Variants in KDM5A observed in about 807,000 individuals in gnomAD.
KDM5A encodes the protein lysine-specific demethylase 5A.
A neutral mutation model predicts 193.5 loss-of-function variants in KDM5A; 42 were observed. The observed-to-expected ratio is 0.22, with a 90% CI of 0.17 to 0.28. KDM5A has a LOEUF of 0.28. KDM5A is among the 10% of genes least tolerant of loss of function. The pLI, the probability that KDM5A is intolerant of heterozygous loss-of-function variation, is 1.00. For synonymous variants in KDM5A, 796 were observed against 718.1 expected, an observed-to-expected ratio of 1.11 and a Z score of -1.73; for missense variants, 1,692 against 2,055.1, an observed-to-expected ratio of 0.82 and a Z score of 3.42.
chr12:280,128 G>C lies in KDM5A; in HGVS notation c.*5328C>G. 1 of 230,290 alleles carries C rather than the reference G, an allele frequency of 4.3e-6. No homozygotes were observed. The highest frequency in any genetic ancestry group is 8.6e-6 in the Non-Finnish European group (1 of 116,236). 14.3% of individuals were successfully genotyped at this position (230,290 alleles called of 1,614,324 possible). ...TTACAGAACATACAAGTGAGAAGGG[G>C]TGAAGAGAGTGAAATTCCAAAATCA... On this transcript the variant is annotated 3_prime_UTR_variant, in exon 28 of 28. Coordinates refer to ENST00000399788, the MANE Select transcript of KDM5A (RefSeq NM_001042603.3).
chr12:375,317 T>TAA (rs879515446), intron 3 of KDM5A, among the ~76,000 whole-genome samples: 1 of 152,208 alleles, frequency 6.6e-6, no homozygotes, highest in Non-Finnish European at 1.5e-5. Context: ...TTCATTTCAT[T>TAA]AATTTGATCT....
rs1591891636 is a variant in KDM5A, at chr12:283,236, C to T, written c.*2220G>A. On this transcript the variant is annotated 3_prime_UTR_variant, in exon 28 of 28. Transcript: ENST00000399788. ...ATCTGAAGACTGTTACAAAGAAGAT[C>T]AACAGGCAAAAAATATTGTGCTTTC... 1 of 231,510 alleles carries T rather than the reference C, an allele frequency of 4.3e-6. No homozygotes were observed. The highest frequency in any genetic ancestry group is 8.6e-6 in the Non-Finnish European group (1 of 116,740). 14.3% of individuals were successfully genotyped at this position (231,510 alleles called of 1,614,324 possible).
chr12:305,136 A>G (rs1452460340), intron 24 of KDM5A, among the ~76,000 whole-genome samples: 1 of 152,230 alleles, frequency 6.6e-6, no homozygotes, highest in Non-Finnish European at 1.5e-5. Context: ...ATGATATTCA[A>G]GAACTGTACG....
At chr12:356,631 G>A (rs1385583347) in intron 5 of KDM5A, 94 bp from the exon 6 acceptor site, 7 of 775,130 alleles carry the variant, frequency 9.0e-6, no homozygotes, top group African/African-American at 3.4e-5. Flanking sequence ...TCTTCAACAC[G>A]GAAGAACAAA....
chr12:295,486 C>T, intron 26 of KDM5A, 87 bp downstream of exon 26: 1 of 1,253,606 alleles, frequency 8.0e-7, no homozygotes, highest in South Asian at 1.2e-5. Flanking sequence ...TGCCCTCAGC[C>T]ACCCCTTTGC....
Position 318,365 on chromosome 12 carries a change from T to G in KDM5A, c.2638A>C (p.Met880Leu). The G allele has an allele frequency of 6.2e-7, 1 of 1,614,122 alleles. No homozygotes were observed. The highest frequency in any genetic ancestry group is 8.5e-7 in the Non-Finnish European group (1 of 1,179,980). ...DSSKLQMLID[M>L]GSSLYVELPE... ...AGTTCCACATAGAGACTAGAGCCCA[T>G]ATCTATCAACATCTGGAGTTTGGAA... Residue 880 changes from methionine (M) to leucine (L), a missense_variant, in exon 19 of 28, where the codon ATG (methionine) becomes CTG (leucine). Met to Leu is a conservative substitution (Grantham distance 15). Coordinates refer to ENST00000399788, the MANE Select transcript of KDM5A (RefSeq NM_001042603.3).
intron 19 of KDM5A, among the ~76,000 whole-genome samples, chr12:315,180 T>C (rs1943636486): frequency 6.6e-6 from 1 of 152,210 alleles, no homozygotes; most frequent in Admixed American, 6.5e-5. Flanking sequence ...AGTGAAAAGA[T>C]TCTTTTCAAA....
At chr12:359,397 G>A (rs955326870) in intron 5 of KDM5A, among the ~76,000 whole-genome samples, 2 of 152,158 alleles carry the variant, frequency 1.3e-5, no homozygotes, top group Non-Finnish European at 2.9e-5. Flanking sequence ...CTTGTTTAAA[G>A]ATTGGACATG....
At chr12:335,665 T>A (rs1476066049) in intron 10 of KDM5A, among the ~76,000 whole-genome samples, 1 of 152,112 alleles carries the variant, frequency 6.6e-6, no homozygotes, top group African/African-American at 2.4e-5. Flanking sequence ...CTAAAGAGAA[T>A]TTGTGAACTA....
chr12:385,732 G>GC (rs1226627738), intron 2 of KDM5A, among the ~76,000 whole-genome samples, 165 bp downstream of exon 2: 2 of 152,148 alleles, frequency 1.3e-5, no homozygotes, highest in East Asian at 3.8e-4. Flanking sequence ...ACTTTGCACA[G>GC]TTTTTAAAAA....
At chr12:311,128 G>C (rs1943580467) in intron 20 of KDM5A, 64 bp from the exon 21 acceptor site, 3 of 1,438,200 alleles carry the variant, frequency 2.1e-6, no homozygotes, top group African/African-American at 2.8e-5. Context: ...ATATACTGTT[G>C]AAAGACCTTA....
At chr12:378,444 G>A (rs928389878) in intron 3 of KDM5A, among the ~76,000 whole-genome samples, 5 of 152,062 alleles carry the variant, frequency 3.3e-5, no homozygotes, top group Admixed American at 6.6e-5. Context: ...ATTTTTTGTA[G>A]AGACGGGGTC....
chr12:368,329 CTGTG>C (rs752981255), intron 3 of KDM5A, among the ~76,000 whole-genome samples: 47 of 152,078 alleles, frequency 3.1e-4, no homozygotes, highest in Non-Finnish European at 5.9e-4. Flanking sequence ...TGCCACTCAA[CTGTG>C]TATTTTTAAA....
intron 10 of KDM5A, among the ~76,000 whole-genome samples, chr12:343,555 T>C (rs1944033817): frequency 6.6e-6 from 1 of 152,068 alleles, no homozygotes; most frequent in African/African-American, 2.4e-5. Flanking sequence ...GGACGAAGCT[T>C]CCACAGGAAG....
chr12:372,953 T>C (rs972752707), intron 3 of KDM5A, among the ~76,000 whole-genome samples: 1 of 152,206 alleles, frequency 6.6e-6, no homozygotes. Context: ...CATTTGATCA[T>C]GGTGGATAAG....
rs766383498 is a variant in KDM5A, at chr12:292,748, T to C, written c.4866+11A>G. 1.1e-5 allele frequency: 17 copies of C among 1,614,106 alleles called. No individual in the cohort carries two copies. The highest frequency in any genetic ancestry group is 2.2e-5 in the East Asian group (1 of 44,896). ...ACCTCTCATGCTTGACTATAAACAG[T>C]TGGAACTCACCTTGTCCTTGCAGGG... On this transcript the variant is annotated intron_variant, in intron 27 of 27. Coordinates refer to ENST00000399788, the MANE Select transcript of KDM5A (RefSeq NM_001042603.3).
chr12:368,006 TGA>T (rs1348773748), intron 3 of KDM5A, among the ~76,000 whole-genome samples: 2 of 152,174 alleles, frequency 1.3e-5, no homozygotes, highest in African/African-American at 2.4e-5. Flanking sequence ...GCAATACTCT[TGA>T]GAGTCAAAAC....
chr12:295,824 A>C, intron 25 of KDM5A, 31 bp from the exon 26 acceptor site: 1 of 1,589,374 alleles, frequency 6.3e-7, no homozygotes. Context: ...AAACAAAGCA[A>C]AAAAAATTAA....
At chr12:386,376 G>A (rs573450169) in intron 1 of KDM5A, among the ~76,000 whole-genome samples, 1 of 152,298 alleles carries the variant, frequency 6.6e-6, no homozygotes, top group Admixed American at 6.5e-5. Flanking sequence ...TGGACCGTCA[G>A]AAAAGAAAGG....
Sources: allele counts gnomAD v4.1 joint callset (sites outside exome capture counted in the v4.1 genomes callset), GRCh38; gene constraint gnomAD v4.1.1; transcripts MANE v1.5; gene names NCBI Gene and HGNC (gene_info 2026-07-23, HGNC 2026-07-21).